Variants in IKBIP observed in about 807,000 individuals in gnomAD.
IKBIP encodes the protein inhibitor of nuclear factor kappa-B kinase-interacting protein.
IKBIP carries 28 observed loss-of-function variants against 31.0 expected under a neutral mutation model. The observed-to-expected ratio is 0.90, with a 90% confidence interval of 0.67 to 1.24. The LOEUF (loss-of-function observed/expected upper bound fraction) is 1.24, where lower values mean the gene tolerates loss of function less well. IKBIP is among the 50% of genes most tolerant of loss of function. IKBIP has a pLI of 0.00. For missense variants in IKBIP, 453 were observed against 441.9 expected, an observed-to-expected ratio of 1.03 and a Z score of -0.23; for synonymous variants, 164 against 160.3, an observed-to-expected ratio of 1.02 and a Z score of -0.17.
chr12:98,627,446 T>C (rs1189975067), intron 2 of IKBIP, among the ~76,000 whole-genome samples: 13 of 146,462 alleles, frequency 8.9e-5, no homozygotes, highest in African/African-American at 2.6e-4. Flanking sequence ...TTTCTTTTTT[T>C]TTTTTTTTTT....
At chr12:98,620,612 A>T (rs2097609337), downstream of IKBIP, among the ~76,000 whole-genome samples, 1 of 151,958 alleles carries the variant, frequency 6.6e-6, no homozygotes. Flanking sequence ...TGATCCACCC[A>T]CCTCAGCCTC....
At position 98,644,767 on chromosome 12, in the gene IKBIP, C is replaced by A; in HGVS notation, c.-66G>T. On this transcript the variant is annotated 5_prime_UTR_variant, in exon 1 of 3. Transcript: ENST00000299157. ...CACCAGGGGGAGCAGGACGTGGCCG[C>A]CTTGGCGTTCGTGGGAACCCTGGGC... is the stretch of plus-strand genomic sequence containing the variant. 1 of 1,544,582 alleles carries A rather than the reference C, an allele frequency of 6.5e-7. No homozygotes were observed. The highest frequency in any genetic ancestry group is 1.2e-5 in the South Asian group (1 of 84,688).
At chr12:98,642,927 G>A (rs1371573086) in intron 1 of IKBIP, among the ~76,000 whole-genome samples, 2 of 151,326 alleles carry the variant, frequency 1.3e-5, no homozygotes, top group Non-Finnish European at 2.9e-5. Flanking sequence ...TGAAGAGGGC[G>A]TTTAATCACT....
intron 1 of IKBIP, among the ~76,000 whole-genome samples, chr12:98,637,278 GA>G (rs2097626562): frequency 6.6e-6 from 1 of 152,092 alleles, no homozygotes; most frequent in East Asian, 1.9e-4. Context: ...CACTAGTGAT[GA>G]AAAAAATGAA....
chr12:98,639,666 C>T (rs1272543485), intron 1 of IKBIP, among the ~76,000 whole-genome samples: 2 of 152,172 alleles, frequency 1.3e-5, no homozygotes, highest in Admixed American at 6.6e-5. Flanking sequence ...CTCTGAATAG[C>T]TCCTTTAGGA....
chr12:98,638,360 T>A (rs1231570864), intron 1 of IKBIP, among the ~76,000 whole-genome samples: 1 of 152,126 alleles, frequency 6.6e-6, no homozygotes, highest in Non-Finnish European at 1.5e-5. Context: ...TGATCATGGC[T>A]CACTGTAGCC....
downstream of IKBIP, among the ~76,000 whole-genome samples, chr12:98,620,913 T>C (rs1182574454): frequency 6.6e-6 from 1 of 151,934 alleles, no homozygotes; most frequent in African/African-American, 2.4e-5. Flanking sequence ...GAAGGCATCT[T>C]AGGGATTATT....
chr12:98,620,131 A>C (rs1592988801), downstream of IKBIP, among the ~76,000 whole-genome samples: 1 of 137,098 alleles, frequency 7.3e-6, no homozygotes, highest in African/African-American at 2.8e-5. Flanking sequence ...ACGGGGTTTC[A>C]CCATGTTGCG....
At chr12:98,629,148 G>A (rs545270003) in intron 2 of IKBIP, among the ~76,000 whole-genome samples, 1 of 152,298 alleles carries the variant, frequency 6.6e-6, no homozygotes, top group South Asian at 2.1e-4. Context: ...GTTTGTTGAT[G>A]CTTAGGAAGA....
downstream of IKBIP, among the ~76,000 whole-genome samples, chr12:98,619,447 T>C (rs1222689646): frequency 6.6e-6 from 1 of 152,232 alleles, no homozygotes; most frequent in Non-Finnish European, 1.5e-5. Context: ...TTGTTTATAA[T>C]AGCAATGTAT....
chr12:98,644,432 G>C (rs534922998), intron 1 of IKBIP, 91 bp downstream of exon 1: 11 of 1,280,108 alleles, frequency 8.6e-6, no homozygotes, highest in Middle Eastern at 5.2e-4. Flanking sequence ...TGGGAGGTTG[G>C]ATCACCTCCG....
rs1186158779 is a variant in IKBIP at position 98,641,329 on chromosome 12, G to A, written c.179+3194C>T. ...TTAACCACCAGGGCCGTGTCAGTAC[G>A]GAAAGCATTTAATAAAGATTTGATA... On this transcript the variant is annotated intron_variant, in intron 1 of 2. Transcript: ENST00000299157. Among the ~76,000 whole-genome samples the A allele has an allele frequency of 4.6e-5, 7 of 152,206 alleles. No individual in the cohort carries two copies. In the South Asian group the frequency reaches 8.3e-4, roughly 18 times the overall value.
chr12:98,618,580 T>C (rs1006554012), intron 2 of IKBIP, among the ~76,000 whole-genome samples: 1 of 150,896 alleles, frequency 6.6e-6, no homozygotes, highest in Non-Finnish European at 1.5e-5. Context: ...GAGCCGAGAT[T>C]GTGCCACTGC....
intron 2 of IKBIP, among the ~76,000 whole-genome samples, chr12:98,618,083 A>G (rs867620629): frequency 2.0e-5 from 3 of 152,146 alleles, no homozygotes; most frequent in Non-Finnish European, 4.4e-5. Context: ...GAAATAAAAA[A>G]GCTTGAGTCC....
downstream of IKBIP, among the ~76,000 whole-genome samples, chr12:98,623,459 G>C (rs1231745999): frequency 2.7e-5 from 4 of 150,328 alleles, 1 homozygote; most frequent in African/African-American, 1.0e-4. Flanking sequence ...TATCCAGGCT[G>C]GTCTTGAACT....
At chr12:98,643,817 C>CTTT (rs1163038325) in intron 1 of IKBIP, among the ~76,000 whole-genome samples, 1 of 136,928 alleles carries the variant, frequency 7.3e-6, no homozygotes, top group African/African-American at 2.7e-5. Flanking sequence ...ATATGGTTTT[C>CTTT]TTTTTTTTTT....
chr12:98,629,550 C>A (rs2097617987), intron 2 of IKBIP, among the ~76,000 whole-genome samples: 1 of 152,116 alleles, frequency 6.6e-6, no homozygotes. Flanking sequence ...CCGGGCAAGA[C>A]CCTGTCTCAA....
At chr12:98,626,935 A>G (rs1210406611) in intron 2 of IKBIP, among the ~76,000 whole-genome samples, 169 bp from the exon 3 acceptor site, 1 of 152,186 alleles carries the variant, frequency 6.6e-6, no homozygotes, top group Non-Finnish European at 1.5e-5. Flanking sequence ...TTACATTAAT[A>G]GTTTTCACAA....
At chr12:98,621,106 G>C (rs765867739), downstream of IKBIP, among the ~76,000 whole-genome samples, 9 of 152,042 alleles carry the variant, frequency 5.9e-5, no homozygotes, top group Non-Finnish European at 1.0e-4. Flanking sequence ...AAAATGAGCC[G>C]GGTGTAGTGA....
Sources: gnomAD v4.1 joint callset for allele counts (sites outside exome capture counted in the v4.1 genomes callset) on GRCh38, gnomAD v4.1.1 for gene constraint, MANE v1.5 for transcripts, NCBI Gene and HGNC (gene_info 2026-07-23, HGNC 2026-07-21) for gene names.